The following GRIA4 variants were observed in gnomAD, a reference collection of about 807,000 sequenced individuals.
The protein encoded by GRIA4 is glutamate ionotropic receptor AMPA type subunit 4.
GRIA4 carries 34 observed loss-of-function variants against 104.0 expected under a neutral mutation model. The ratio of observed to expected loss-of-function variants is 0.33; its 90% CI spans 0.25 to 0.44. GRIA4 has a LOEUF of 0.44. GRIA4 is among the 20% of genes least tolerant of loss of function. The probability of loss-of-function intolerance (pLI) is 1.00; values close to 1 mark genes in which losing one functional copy is unlikely to be tolerated. For missense variants in GRIA4, 750 were observed against 1,096.5 expected, an observed-to-expected ratio of 0.68 and a Z score of 4.46; for synonymous variants, 386 against 381.9, an observed-to-expected ratio of 1.01 and a Z score of -0.13.
chr11:105,761,406 A>T (rs1360858330), intron 4 of GRIA4, among the ~76,000 whole-genome samples: 11 of 152,176 alleles, frequency 7.2e-5, no homozygotes, highest in African/African-American at 2.7e-4. Flanking sequence ...ATTATGCACT[A>T]AGTACTTTAC....
At chr11:105,811,100 C>T (rs1276153194) in intron 4 of GRIA4, among the ~76,000 whole-genome samples, 1 of 152,060 alleles carries the variant, frequency 6.6e-6, no homozygotes, top group African/African-American at 2.4e-5. Flanking sequence ...CAGCACAATT[C>T]CCCTTCCCTC....
intron 14 of GRIA4, among the ~76,000 whole-genome samples, chr11:105,958,002 A>G (rs1009218248): frequency 2.6e-5 from 4 of 152,174 alleles, no homozygotes; most frequent in African/African-American, 9.7e-5. Context: ...CAGCTTAAGG[A>G]GATTTTGGCC....
At chr11:105,940,306 G>A (rs192114020) in intron 14 of GRIA4, among the ~76,000 whole-genome samples, 78 of 152,186 alleles carry the variant, frequency 5.1e-4, no homozygotes, top group Middle Eastern at 3.4e-3. Flanking sequence ...AGGTTGCAGT[G>A]AGCCAAGATT....
chr11:105,715,824 G>A (rs1401076264), intron 3 of GRIA4, among the ~76,000 whole-genome samples: 1 of 152,040 alleles, frequency 6.6e-6, no homozygotes, highest in South Asian at 2.1e-4. Context: ...ATCCTTTAAA[G>A]CATCCATGTC....
chr11:105,805,478 G>GAAAAAAAAAA (rs57123559), intron 4 of GRIA4, among the ~76,000 whole-genome samples: 1 of 92,498 alleles, frequency 1.1e-5, no homozygotes, highest in Non-Finnish European at 2.1e-5. Flanking sequence ...AAGAAATCAG[G>GAAAAAAAAAA]AAAAAAAAAA....
At chr11:105,678,453 G>A (rs910256275) in intron 3 of GRIA4, among the ~76,000 whole-genome samples, 1 of 151,954 alleles carries the variant, frequency 6.6e-6, no homozygotes, top group Non-Finnish European at 1.5e-5. Context: ...TTTAATTGGG[G>A]AAGCTAATGC....
At chr11:105,904,677 A>C (rs1946979982) in intron 8 of GRIA4, among the ~76,000 whole-genome samples, 1 of 152,208 alleles carries the variant, frequency 6.6e-6, no homozygotes, top group Non-Finnish European at 1.5e-5. Flanking sequence ...AAATGTTCTG[A>C]AATGTCACAG....
chr11:105,716,768 CA>C (rs1044014736), intron 3 of GRIA4, among the ~76,000 whole-genome samples: 2 of 152,208 alleles, frequency 1.3e-5, no homozygotes, highest in African/African-American at 2.4e-5. Flanking sequence ...CGGTATGTAG[CA>C]GGGGGCAAAC....
intron 4 of GRIA4, among the ~76,000 whole-genome samples, chr11:105,833,056 C>T (rs932625944): frequency 5.3e-5 from 8 of 152,042 alleles, no homozygotes; most frequent in South Asian, 2.1e-4. Flanking sequence ...CAAATTCCCA[C>T]GTCTTTTGGC....
At chr11:105,946,216 A>C (rs1948308055) in intron 14 of GRIA4, among the ~76,000 whole-genome samples, 1 of 152,188 alleles carries the variant, frequency 6.6e-6, no homozygotes, top group Non-Finnish European at 1.5e-5. Flanking sequence ...AGAAATCATT[A>C]GTATTTCCTG....
intron 4 of GRIA4, among the ~76,000 whole-genome samples, chr11:105,811,885 C>T (rs1412795337): frequency 6.6e-6 from 1 of 152,076 alleles, no homozygotes; most frequent in Non-Finnish European, 1.5e-5. Context: ...TCTCTGGGCT[C>T]GAATTCACAA....
intron 3 of GRIA4, among the ~76,000 whole-genome samples, chr11:105,702,542 T>C (rs1953535142): frequency 6.6e-6 from 1 of 151,836 alleles, no homozygotes; most frequent in African/African-American, 2.4e-5. Flanking sequence ...AAGACATTTA[T>C]ATAATAAAAA....
At chr11:105,943,878 C>A (rs1457033854) in intron 14 of GRIA4, among the ~76,000 whole-genome samples, 1 of 152,082 alleles carries the variant, frequency 6.6e-6, no homozygotes, top group African/African-American at 2.4e-5. Context: ...TGCTCTCTCT[C>A]TCTATATATA....
At chr11:105,751,323 T>C (rs1217992241) in intron 3 of GRIA4, among the ~76,000 whole-genome samples, 1 of 152,182 alleles carries the variant, frequency 6.6e-6, no homozygotes, top group Non-Finnish European at 1.5e-5. Flanking sequence ...GTGGACCACT[T>C]ACATACTTGC....
At chr11:105,701,780 A>G (rs1953502943) in intron 3 of GRIA4, among the ~76,000 whole-genome samples, 1 of 152,198 alleles carries the variant, frequency 6.6e-6, no homozygotes, top group African/African-American at 2.4e-5. Flanking sequence ...ATGAATAAGC[A>G]TAATACACAT....
intron 4 of GRIA4, among the ~76,000 whole-genome samples, chr11:105,778,496 G>C (rs1185483161): frequency 2.0e-5 from 3 of 152,186 alleles, no homozygotes; most frequent in African/African-American, 7.2e-5. Context: ...CACGAGGTCA[G>C]GAGTTTGAGA....
intron 3 of GRIA4, among the ~76,000 whole-genome samples, chr11:105,643,406 A>AT (rs1951428136): frequency 6.6e-6 from 1 of 152,186 alleles, no homozygotes; most frequent in Non-Finnish European, 1.5e-5. Flanking sequence ...TCATCTATCA[A>AT]TTGTCAGCAC....
At chr11:105,821,913 G>C (rs1321842388) in intron 4 of GRIA4, among the ~76,000 whole-genome samples, 1 of 152,100 alleles carries the variant, frequency 6.6e-6, no homozygotes, top group African/African-American at 2.4e-5. Context: ...GCTGCTTCGA[G>C]GTACCCATAA....
At chr11:105,760,832 T>C (rs980781601) in intron 4 of GRIA4, among the ~76,000 whole-genome samples, 3 of 152,112 alleles carry the variant, frequency 2.0e-5, no homozygotes, top group African/African-American at 7.2e-5. Flanking sequence ...CTGATATTAA[T>C]GGTTTGAAAC....
Sources: allele counts gnomAD v4.1 joint callset (sites outside exome capture counted in the v4.1 genomes callset), GRCh38; gene constraint gnomAD v4.1.1; transcripts MANE v1.5; gene names NCBI Gene and HGNC (gene_info 2026-07-23, HGNC 2026-07-21).